COL4A5: variants seen among roughly 807,000 people sequenced by gnomAD.
COL4A5 encodes the protein collagen alpha-5(IV) chain.
Under a neutral mutation model 130.2 loss-of-function variants are expected in COL4A5, and 26 were observed. That is an observed-to-expected ratio of 0.20 (90% confidence interval 0.15 to 0.28). The LOEUF is 0.28. COL4A5 is among the 10% of genes least tolerant of loss of function. The pLI is 1.00. For synonymous variants in COL4A5, 496 were observed against 439.6 expected, an observed-to-expected ratio of 1.13 and a Z score of -1.60; for missense variants, 1,131 against 1,344.3, an observed-to-expected ratio of 0.84 and a Z score of 2.48.
intron 1 of COL4A5, among the ~76,000 whole-genome samples, chrX:108,529,502 A>T (rs1253367489): frequency 8.9e-6 from 1 of 111,948 alleles, no homozygotes. Context: ...AGAATATATA[A>T]AACAACCAGA....
intron 1 of COL4A5, among the ~76,000 whole-genome samples, chrX:108,461,454 G>C (rs1398510469): frequency 8.9e-6 from 1 of 111,756 alleles, no homozygotes; most frequent in East Asian, 2.8e-4. Context: ...TTTAAAATCA[G>C]GTTCCAATTT....
intron 1 of COL4A5, among the ~76,000 whole-genome samples, chrX:108,441,326 T>C (rs1436663264): frequency 8.9e-6 from 1 of 112,427 alleles, no homozygotes; most frequent in Admixed American, 9.4e-5. Context: ...CTTCACATGG[T>C]TGAGTGACCG....
At chrX:108,672,929 G>C (rs1430551648) in intron 42 of COL4A5, among the ~76,000 whole-genome samples, 2 of 112,058 alleles carry the variant, frequency 1.8e-5, no homozygotes, top group Admixed American at 9.5e-5. Flanking sequence ...TTAATTTGCT[G>C]TCTGTGATTT....
At position 108,687,563 on chromosome X, in the gene COL4A5, A is replaced by T. The variant is rs1165923730; in HGVS notation, c.4397A>T (p.His1466Leu). The change falls in exon 49 of 53, where the codon CAT (histidine) becomes CTT (leucine). Residue 1466 changes from histidine (H) to leucine (L), a missense_variant. By Grantham distance (99) the His-to-Leu change is moderately conservative (BLOSUM62 -3). Coordinates refer to ENST00000328300, the MANE Select transcript of COL4A5 (RefSeq NM_033380.3). ...CCCCCTGGAACCTCCTCTGTTGCACATGGATTTCTTATTACACGCCACAGC... is the reference window on the plus strand; with the variant it reads ...CCCCCTGGAACCTCCTCTGTTGCACTTGGATTTCTTATTACACGCCACAGC... ...PGPPGTSSVAHGFLITRHSQT... is the reference protein window; with the variant it reads ...PGPPGTSSVALGFLITRHSQT... 4 of 1,209,760 alleles carry T rather than the reference A, an allele frequency of 3.3e-6. No homozygotes were observed. Among genetic ancestry groups the T allele is most frequent in the Non-Finnish European group, 4.5e-6 (4 of 895,116 alleles).
chrX:108,619,559 T>A (rs2066998078), intron 30 of COL4A5, among the ~76,000 whole-genome samples: 1 of 112,054 alleles, frequency 8.9e-6, no homozygotes, highest in Non-Finnish European at 1.9e-5. Context: ...AGGTTAAATA[T>A]TTTTTGCTGT....
intron 1 of COL4A5, among the ~76,000 whole-genome samples, chrX:108,447,323 A>G (rs984947578): frequency 6.3e-5 from 7 of 111,449 alleles, no homozygotes; most frequent in African/African-American, 1.6e-4. Context: ...TTTTTAGAAA[A>G]TTAAACTGGT....
chrX:108,555,401 A>G (rs1309731997), intron 2 of COL4A5, among the ~76,000 whole-genome samples: 2 of 112,414 alleles, frequency 1.8e-5, no homozygotes, highest in African/African-American at 6.5e-5. Context: ...AACTACAAAA[A>G]CAAAATAGGT....
At chrX:108,481,117 C>T (rs1350911866) in intron 1 of COL4A5, among the ~76,000 whole-genome samples, 1 of 110,968 alleles carries the variant, frequency 9.0e-6, no homozygotes, top group Non-Finnish European at 1.9e-5. Flanking sequence ...TAAGTTGGAC[C>T]TGAGCTAAAA....
intron 1 of COL4A5, among the ~76,000 whole-genome samples, chrX:108,523,499 T>A (rs1055990890): frequency 8.9e-6 from 1 of 112,467 alleles, no homozygotes; most frequent in East Asian, 2.8e-4. Context: ...TGTAGGTTTG[T>A]AGCAAATTTT....
intron 36 of COL4A5, among the ~76,000 whole-genome samples, chrX:108,630,787 A>G (rs1042710830): frequency 8.9e-6 from 1 of 112,086 alleles, no homozygotes; most frequent in African/African-American, 3.2e-5. Flanking sequence ...TTATGGTTTT[A>G]TGTTCAACAT....
chrX:108,647,039 G>C (rs2067607578), intron 36 of COL4A5, among the ~76,000 whole-genome samples: 1 of 111,045 alleles, frequency 9.0e-6, no homozygotes, highest in South Asian at 3.8e-4. Context: ...TGTTCTTTTG[G>C]CTTAGGACTG....
intron 1 of COL4A5, among the ~76,000 whole-genome samples, chrX:108,488,890 C>G (rs747646798): frequency 8.9e-4 from 99 of 111,050 alleles, no homozygotes; most frequent in Non-Finnish European, 5.7e-4. Context: ...TTTAAAATTT[C>G]GGTAGCATTT....
intron 1 of COL4A5, among the ~76,000 whole-genome samples, chrX:108,470,818 C>A (rs973544299): frequency 1.8e-5 from 2 of 111,393 alleles, no homozygotes; most frequent in African/African-American, 6.5e-5. Context: ...AGTTAATTTT[C>A]ATATATGGTG....
rs1296759757 is a variant in COL4A5 at position 108,568,688 on chromosome X, A to G, written c.321+15A>G. 6 of 1,199,593 alleles carry G rather than the reference A, an allele frequency of 5.0e-6. No homozygotes were observed. In the Admixed American group the frequency reaches 1.3e-4, roughly 26 times the overall value. ...CAGGTCTTCCTGTAAGTAGCATTTC[A>G]CTTTTTACTTTGAAATCTCTTGAAA... is the stretch of plus-strand genomic sequence containing the variant. On this transcript the variant is annotated intron_variant, in intron 5 of 52. Transcript: ENST00000328300.
At chrX:108,512,947 T>C (rs2065192142) in intron 1 of COL4A5, among the ~76,000 whole-genome samples, 1 of 111,015 alleles carries the variant, frequency 9.0e-6, no homozygotes. Context: ...GTTTCGACCA[T>C]AGAAGACGGC....
chrX:108,577,432 A>G (rs1468008235), intron 10 of COL4A5, among the ~76,000 whole-genome samples: 2 of 109,163 alleles, frequency 1.8e-5, no homozygotes, highest in Non-Finnish European at 3.8e-5. Context: ...GATACAATAT[A>G]TAAATAAATA....
At chrX:108,670,302 T>C (rs2147963271) in intron 42 of COL4A5, 66 bp downstream of exon 42, 11 of 1,197,762 alleles carry the variant, frequency 9.2e-6, no homozygotes, top group Middle Eastern at 2.3e-4. Flanking sequence ...GTACCAAATG[T>C]TTTCAAGTGT....
intron 27 of COL4A5, 45 bp from the exon 28 acceptor site, chrX:108,602,919 A>C (rs184181353): frequency 1.1e-6 from 1 of 913,319 alleles, no homozygotes; most frequent in Non-Finnish European, 1.6e-6. Context: ...TCTTTCTTAA[A>C]GTGCCTTTCC....
At position 108,568,261 on chromosome X, in the gene COL4A5, A is replaced by T. The variant is rs773223455; in HGVS notation, c.277-368A>T. On this transcript the variant is annotated intron_variant, in intron 4 of 52. Coordinates refer to ENST00000328300, the MANE Select transcript of COL4A5 (RefSeq NM_033380.3). Reference sequence around the variant, plus strand: ...AGAATTTTGGGGGTGATCACTATTAATGTCTTCAGTGGAAATATATTTGCC... The same window carrying T: ...AGAATTTTGGGGGTGATCACTATTATTGTCTTCAGTGGAAATATATTTGCC... 4.5e-5 allele frequency among the ~76,000 whole-genome samples: 5 copies of T among 111,308 alleles called. No homozygotes were observed. The East Asian group carries it at 1.1e-3, about 25-fold the overall frequency.
Sources: gnomAD v4.1 joint callset for allele counts (sites outside exome capture counted in the v4.1 genomes callset) on GRCh38, gnomAD v4.1.1 for gene constraint, MANE v1.5 for transcripts, NCBI Gene and HGNC (gene_info 2026-07-23, HGNC 2026-07-21) for gene names.